The following MAMLD1 variants were observed in gnomAD, a reference collection of about 807,000 sequenced individuals.
MAMLD1 encodes the protein mastermind like domain containing 1.
Under a neutral mutation model 45.0 loss-of-function variants are expected in MAMLD1, and 14 were observed. The observed-to-expected ratio is 0.31, with a 90% CI of 0.21 to 0.49. The LOEUF (loss-of-function observed/expected upper bound fraction) is 0.49. Among genes scored for constraint, MAMLD1 ranks in the 20% least tolerant of loss-of-function variants. MAMLD1 has a pLI of 0.99. For synonymous variants in MAMLD1, 254 were observed against 247.8 expected (o/e 1.02, Z -0.24); for missense variants, 543 against 603.6 (o/e 0.90, Z 1.05).
chrX:150,389,607 C>T (rs2033088517), intron 1 of MAMLD1, among the ~76,000 whole-genome samples: 1 of 112,140 alleles, frequency 8.9e-6, no homozygotes, highest in South Asian at 3.7e-4. Flanking sequence ...GCGTAATATG[C>T]TGTTGCTGGA....
rs2031135909 is a variant in MAMLD1, at chrX:150,363,497, A to T, written c.-97A>T. On this transcript the variant is annotated 5_prime_UTR_variant, in exon 1 of 8. Coordinates refer to ENST00000370401, the MANE Select transcript of MAMLD1 (RefSeq NM_005491.5). ...GCCGGCGGCCGCCCGCCCCTCGGACACTGCCCCCGCCGCCGCCGGAGCTCT... is the reference window on the plus strand; with the variant it reads ...GCCGGCGGCCGCCCGCCCCTCGGACTCTGCCCCCGCCGCCGCCGGAGCTCT... 9.8e-6 allele frequency: 1 copy of T among 102,418 alleles called. No individual in the cohort carries two copies. Among genetic ancestry groups the T allele is most frequent in the Non-Finnish European group, 2.1e-5 (1 of 46,612 alleles). The allele number at this position is 102,418 out of a possible 1,213,427, so 8.4% of individuals were successfully genotyped here. A position where few individuals can be genotyped will look rare whatever the true frequency, so the allele number is the denominator to read the frequency against.
At chrX:150,483,148 G>A (rs192039639) in intron 5 of MAMLD1, among the ~76,000 whole-genome samples, 5,563 of 112,228 alleles carry the variant, frequency 0.05, 156 homozygotes, top group Middle Eastern at 0.092. Context: ...CTAAGGCCTT[G>A]ACACTGGTAC....
At chrX:150,379,968 T>C (rs1304518673) in intron 1 of MAMLD1, among the ~76,000 whole-genome samples, 2 of 112,549 alleles carry the variant, frequency 1.8e-5, no homozygotes, top group Admixed American at 9.4e-5. Context: ...TATTTTGCAA[T>C]TAAAAATAAA....
At chrX:150,437,178 G>A (rs1479683408) in intron 1 of MAMLD1, among the ~76,000 whole-genome samples, 1 of 111,359 alleles carries the variant, frequency 9.0e-6, no homozygotes, top group East Asian at 2.8e-4. Flanking sequence ...TCGGACAGTA[G>A]CAGCAGGATC....
In MAMLD1 at chrX:150,445,480, G is replaced by A. The variant is rs201825641; in HGVS notation, c.-37G>A. On this transcript the variant is annotated 5_prime_UTR_variant, in exon 2 of 8. Coordinates refer to ENST00000370401, the MANE Select transcript of MAMLD1 (RefSeq NM_005491.5). ...CCTGTGTCTAGGTCGTTTGGGAAAC[G>A]CCTTGGAGAGTCAAGAATAAATTTG... 6.9e-5 allele frequency: 75 copies of A among 1,087,503 alleles called. No individual in the cohort carries two copies. The highest frequency in any genetic ancestry group is 1.3e-4 in the South Asian group (7 of 53,866). The allele number at this position is 1,087,503 out of a possible 1,213,427, so 89.6% of individuals were successfully genotyped here.
chrX:150,489,673 G>A (rs13328632), intron 5 of MAMLD1, among the ~76,000 whole-genome samples: 5,377 of 109,062 alleles, frequency 0.049, 341 homozygotes, highest in African/African-American at 0.17. Context: ...GTGTGGCAGA[G>A]GGGTGAGGGA....
intron 1 of MAMLD1, among the ~76,000 whole-genome samples, chrX:150,365,687 C>T (rs1557400706): frequency 8.8e-6 from 1 of 113,098 alleles, no homozygotes; most frequent in African/African-American, 3.2e-5. Flanking sequence ...CCACACCCTC[C>T]GCCCCACCAC....
intron 7 of MAMLD1, among the ~76,000 whole-genome samples, chrX:150,511,208 G>A (rs781821690): frequency 6.3e-5 from 7 of 110,956 alleles, no homozygotes; most frequent in African/African-American, 2.0e-4. Context: ...AAAAAGTACC[G>A]GTAGATATTG....
At chrX:150,366,590 C>T (rs2031469400) in intron 1 of MAMLD1, among the ~76,000 whole-genome samples, 1 of 112,253 alleles carries the variant, frequency 8.9e-6, no homozygotes, top group African/African-American at 3.2e-5. Flanking sequence ...CCAGCCAGAG[C>T]AGCTAATCAG....
intron 2 of MAMLD1, among the ~76,000 whole-genome samples, chrX:150,453,369 T>G (rs1323385417): frequency 8.9e-6 from 1 of 112,076 alleles, no homozygotes; most frequent in Non-Finnish European, 1.9e-5. Flanking sequence ...CAGAAGAAGT[T>G]TGCCAACACT....
chrX:150,425,197 A>G (rs1361851214), intron 1 of MAMLD1, among the ~76,000 whole-genome samples: 1 of 111,928 alleles, frequency 8.9e-6, no homozygotes, highest in Non-Finnish European at 1.9e-5. Context: ...TAGTGTTTCT[A>G]TGAACATTCC....
At chrX:150,454,059 C>T (rs1254529610) in intron 2 of MAMLD1, among the ~76,000 whole-genome samples, 1 of 111,874 alleles carries the variant, frequency 8.9e-6, no homozygotes, top group Non-Finnish European at 1.9e-5. Flanking sequence ...CCTAGGCAGC[C>T]CTGCCTGCCC....
At chrX:150,464,074 G>A (rs1175607334) in intron 3 of MAMLD1, among the ~76,000 whole-genome samples, 5 of 111,936 alleles carry the variant, frequency 4.5e-5, no homozygotes. Flanking sequence ...ACACATGGTG[G>A]GCCAAGTACC....
At chrX:150,423,615 AG>A (rs2034605036) in intron 1 of MAMLD1, among the ~76,000 whole-genome samples, 1 of 57,118 alleles carries the variant, frequency 1.8e-5, no homozygotes, top group Non-Finnish European at 4.2e-5. Flanking sequence ...AGAGAGAGAA[AG>A]AGAGAGAGAG....
intron 5 of MAMLD1, among the ~76,000 whole-genome samples, chrX:150,495,662 C>A (rs782032468): frequency 8.9e-6 from 1 of 112,401 alleles, no homozygotes; most frequent in African/African-American, 3.2e-5. Flanking sequence ...GGGGGACAGG[C>A]AGATGCCTGG....
chrX:150,383,456 A>T (rs1169307530), intron 1 of MAMLD1, among the ~76,000 whole-genome samples: 3 of 111,223 alleles, frequency 2.7e-5, no homozygotes, highest in Non-Finnish European at 3.8e-5. Flanking sequence ...AAGTTCCAGG[A>T]TACATGCACA....
intron 5 of MAMLD1, among the ~76,000 whole-genome samples, chrX:150,481,984 G>T (rs782772004): frequency 2.6e-5 from 2 of 75,611 alleles, no homozygotes; most frequent in Non-Finnish European, 5.6e-5. Context: ...AAGAAAGAAA[G>T]AAAGAAAGAA....
chrX:150,424,274 G>T (rs1263567357), intron 1 of MAMLD1, among the ~76,000 whole-genome samples: 2 of 112,764 alleles, frequency 1.8e-5, no homozygotes, highest in East Asian at 5.5e-4. Flanking sequence ...ACCTGTACTT[G>T]CCAGGAAGTC....
chrX:150,481,473 A>G (rs977570597), intron 5 of MAMLD1, among the ~76,000 whole-genome samples: 60 of 112,368 alleles, frequency 5.3e-4, no homozygotes, highest in African/African-American at 1.1e-3. Flanking sequence ...CAGTTCCTCA[A>G]AAAATTACAC....
Sources: allele counts gnomAD v4.1 joint callset (sites outside exome capture counted in the v4.1 genomes callset), GRCh38; gene constraint gnomAD v4.1.1; transcripts MANE v1.5; gene names NCBI Gene and HGNC (gene_info 2026-07-23, HGNC 2026-07-21).